CLNK: variants seen among roughly 807,000 people sequenced by gnomAD.
CLNK encodes cytokine-dependent hematopoietic cell linker.
Under a neutral mutation model 68.6 loss-of-function variants are expected in CLNK, and 74 were observed. That is an observed-to-expected ratio of 1.08 (90% CI 0.89 to 1.31). The LOEUF is 1.31. Ranked by LOEUF, CLNK falls within the 50% of genes most tolerant of loss-of-function variation. The pLI, the probability that CLNK is intolerant of heterozygous loss-of-function variation, is 0.00. For synonymous variants in CLNK, 198 were observed against 172.2 expected, an observed-to-expected ratio of 1.15 and a Z score of -1.17; for missense variants, 553 against 515.3, an observed-to-expected ratio of 1.07 and a Z score of -0.71.
At chr4:10,664,447 G>A (rs1724315440) in intron 2 of CLNK, among the ~76,000 whole-genome samples, 1 of 152,152 alleles carries the variant, frequency 6.6e-6, no homozygotes, top group Non-Finnish European at 1.5e-5. Flanking sequence ...TGTGGTGATG[G>A]GGGGCACACA....
intron 2 of CLNK, among the ~76,000 whole-genome samples, chr4:10,600,082 C>G (rs1454529325): frequency 6.6e-6 from 1 of 152,204 alleles, no homozygotes; most frequent in Non-Finnish European, 1.5e-5. Flanking sequence ...TTCTGTTGCT[C>G]CTTTATTTCC....
At chr4:10,535,239 G>GAAAC (rs1256858163) in intron 11 of CLNK, among the ~76,000 whole-genome samples, 4 of 150,108 alleles carry the variant, frequency 2.7e-5, no homozygotes, top group African/African-American at 1.0e-4. Flanking sequence ...AAGAAAGAAA[G>GAAAC]AAAGAAAGAA....
intron 11 of CLNK, among the ~76,000 whole-genome samples, chr4:10,539,531 C>T (rs1031586024): frequency 6.6e-6 from 1 of 152,100 alleles, no homozygotes; most frequent in African/African-American, 2.4e-5. Flanking sequence ...TATGCAGAAA[C>T]AAGGAGGAAA....
chr4:10,689,069 A>G (rs1368662100), upstream of CLNK, among the ~76,000 whole-genome samples: 2 of 151,882 alleles, frequency 1.3e-5, no homozygotes, highest in Admixed American at 6.6e-5. Context: ...AAGATGGCAA[A>G]ACCTTACCTA....
intron 3 of CLNK, among the ~76,000 whole-genome samples, chr4:10,594,776 A>G (rs1721323461): frequency 6.6e-6 from 1 of 152,202 alleles, no homozygotes; most frequent in Non-Finnish European, 1.5e-5. Flanking sequence ...ATACATATAC[A>G]TATACATAAG....
intron 15 of CLNK, among the ~76,000 whole-genome samples, chr4:10,519,905 A>T (rs1226762353): frequency 6.6e-6 from 1 of 152,168 alleles, no homozygotes; most frequent in East Asian, 1.9e-4. Context: ...GAAAAGGGAA[A>T]GGTAAAGCTC....
rs760709426 is a variant in CLNK at position 10,532,249 on chromosome 4, T to G, written c.630+7A>C. Reference sequence around the variant, plus strand: ...TCTTTGCTTCCAAGGATAAAATTGCTACTTACCTCACTTAAGTCCCTTAAG... The same window carrying G: ...TCTTTGCTTCCAAGGATAAAATTGCGACTTACCTCACTTAAGTCCCTTAAG... On this transcript the variant is annotated splice_region_variant and intron_variant, in intron 12 of 18. Coordinates refer to ENST00000226951, the MANE Select transcript of CLNK (RefSeq NM_052964.4). 2 of 1,608,082 alleles carry G rather than the reference T, an allele frequency of 1.2e-6. No individual in the cohort carries two copies. Among genetic ancestry groups the G allele is most frequent in the Non-Finnish European group, 1.7e-6 (2 of 1,175,452 alleles).
chr4:10,565,510 A>T (rs1720071725), intron 6 of CLNK, among the ~76,000 whole-genome samples: 1 of 152,190 alleles, frequency 6.6e-6, no homozygotes, highest in Non-Finnish European at 1.5e-5. Flanking sequence ...TAACAATTGC[A>T]GCTTTGCTGC....
At chr4:10,492,516 T>G (rs983996547) in intron 18 of CLNK, among the ~76,000 whole-genome samples, 2 of 152,188 alleles carry the variant, frequency 1.3e-5, no homozygotes, top group African/African-American at 2.4e-5. Context: ...AAACAAATAA[T>G]TTCATTTAGA....
At chr4:10,702,554 C>T in the CLNK span, among the ~76,000 whole-genome samples, 1 of 152,322 alleles carries the variant, frequency 6.6e-6, no homozygotes, top group African/African-American at 2.4e-5. Flanking sequence ...GAAGCACTAA[C>T]TAAGAGCATC....
At chr4:10,507,413 C>T (rs1429254132) in intron 17 of CLNK, among the ~76,000 whole-genome samples, 1 of 151,324 alleles carries the variant, frequency 6.6e-6, no homozygotes, top group Non-Finnish European at 1.5e-5. Context: ...ATCCGGTCCT[C>T]TCCATGTTTT....
At chr4:10,669,979 C>T (rs1724565889) in intron 1 of CLNK, among the ~76,000 whole-genome samples, 1 of 152,152 alleles carries the variant, frequency 6.6e-6, no homozygotes, top group Non-Finnish European at 1.5e-5. Context: ...GGGTCCTGGA[C>T]TGGAAGTTGA....
intron 18 of CLNK, among the ~76,000 whole-genome samples, chr4:10,493,262 G>A (rs867348358): frequency 6.6e-6 from 1 of 152,192 alleles, no homozygotes; most frequent in Non-Finnish European, 1.5e-5. Flanking sequence ...AGGTTGCAGT[G>A]AGCTGTGATG....
At chr4:10,536,134 G>A (rs1460100726) in intron 11 of CLNK, among the ~76,000 whole-genome samples, 3 of 152,208 alleles carry the variant, frequency 2.0e-5, no homozygotes, top group Non-Finnish European at 4.4e-5. Context: ...TCCAGGGTGA[G>A]CACAGCCCAC....
At chr4:10,520,717 G>T in intron 15 of CLNK, 74 bp downstream of exon 15, 1 of 1,153,068 alleles carries the variant, frequency 8.7e-7, no homozygotes, top group Non-Finnish European at 1.3e-6. Flanking sequence ...GTTCACAACA[G>T]CTAAGTCACA....
chr4:10,514,682 T>G (rs1013775919), intron 15 of CLNK, among the ~76,000 whole-genome samples: 3 of 150,996 alleles, frequency 2.0e-5, no homozygotes, highest in Admixed American at 6.6e-5. Context: ...ATTCAGGACA[T>G]AGGCGTGGGC....
intron 2 of CLNK, among the ~76,000 whole-genome samples, chr4:10,654,642 T>A (rs927747050): frequency 1.3e-5 from 2 of 151,594 alleles, no homozygotes; most frequent in Non-Finnish European, 2.9e-5. Context: ...GATATAATTA[T>A]CTATATAACA....
intron 1 of CLNK, among the ~76,000 whole-genome samples, chr4:10,682,113 A>T (rs1725113069): frequency 8.7e-6 from 1 of 115,450 alleles, no homozygotes; most frequent in Admixed American, 1.0e-4. Flanking sequence ...TCTATTCCAC[A>T]ATTCTGTTTG....
In CLNK at chr4:10,542,112, TG is replaced by T. The variant is rs933265260; in HGVS notation, c.472-72del. 6.8e-5 allele frequency: 93 copies of T among 1,372,418 alleles called. No individual in the cohort carries two copies. In the East Asian group the frequency reaches 2.0e-3, roughly 30 times the overall value. The allele number at this position is 1,372,418 out of a possible 1,614,324, so 85.0% of individuals were successfully genotyped here. On this transcript the variant is annotated intron_variant, in intron 9 of 18. Coordinates refer to ENST00000226951, the MANE Select transcript of CLNK (RefSeq NM_052964.4). ...GCAGGGCCAATGGCTAACAGTTTTT[TG>T]GTTTACAAATAGAAATTACAAATTG...
Sources: gnomAD v4.1 joint callset for allele counts (sites outside exome capture counted in the v4.1 genomes callset) on GRCh38, gnomAD v4.1.1 for gene constraint, MANE v1.5 for transcripts, NCBI Gene and HGNC (gene_info 2026-07-23, HGNC 2026-07-21) for gene names.